Variants in ELAC1 observed in about 807,000 individuals in gnomAD.
ELAC1 encodes elaC ribonuclease Z 1, also known as zinc phosphodiesterase ELAC protein 1.
In ELAC1, 19 loss-of-function variants were observed where a neutral mutation model predicts 25.8. The ratio of observed to expected loss-of-function variants is 0.74; its 90% CI spans 0.51 to 1.08. The LOEUF (loss-of-function observed/expected upper bound fraction) is 1.08. Among genes scored for constraint, ELAC1 ranks in the 50% least tolerant of loss-of-function variants. The pLI is 0.00. For missense variants in ELAC1, 403 were observed against 434.6 expected, an observed-to-expected ratio of 0.93 and a Z score of 0.65; for synonymous variants, 148 against 160.9, an observed-to-expected ratio of 0.92 and a Z score of 0.61.
intron 1 of ELAC1, among the ~76,000 whole-genome samples, chr18:50,971,209 T>G (rs1040850442): frequency 6.6e-6 from 1 of 152,322 alleles, no homozygotes; most frequent in South Asian, 2.1e-4. Flanking sequence ...CATATAATTA[T>G]CAACAGCATC....
In ELAC1 at chr18:50,986,011, CTTTTTTTT is replaced by C. The variant is rs34348056; in HGVS notation, c.626-591_626-584del. On this transcript the variant is annotated intron_variant, in intron 3 of 3. Coordinates refer to ENST00000269466, the MANE Select transcript of ELAC1 (RefSeq NM_018696.3). Reference sequence around the variant, plus strand: ...TGTTTTGACTAGGTGTTGATTATATCTTTTTTTTTTTTTTTTTTTTTTTTGAGGCAGTC... The same window carrying C: ...TGTTTTGACTAGGTGTTGATTATATCTTTTTTTTTTTTTTTTGAGGCAGTC... Among the ~76,000 whole-genome samples the C allele has an allele frequency of 4.7e-5, 4 of 85,054 alleles. No individual in the cohort carries two copies. The East Asian group carries it at 1.6e-3, about 34-fold the overall frequency. The allele number at this position is 85,054 out of a possible 152,430, so 55.8% of individuals were successfully genotyped here.
chr18:50,969,957 C>T (rs1159397487), intron 1 of ELAC1: 1 of 152,190 alleles, frequency 6.6e-6, no homozygotes, highest in Non-Finnish European at 1.5e-5. Flanking sequence ...AAATCGGACT[C>T]CATGTTAGGA....
Position 50,987,188 on chromosome 18 carries a change from T to A in ELAC1, c.*103T>A. ...TTTTAGTCTGAAATTATTTGGGCCC[T>A]AATAATCCTAAAAAGAATGGAGCTG... On this transcript the variant is annotated 3_prime_UTR_variant, in exon 4 of 4. Coordinates refer to ENST00000269466, the MANE Select transcript of ELAC1 (RefSeq NM_018696.3). 5.5e-6 allele frequency: 4 copies of A among 724,486 alleles called. No homozygotes were observed. Among genetic ancestry groups the A allele is most frequent in the Non-Finnish European group, 8.3e-6 (4 of 483,258 alleles). The allele number at this position is 724,486 out of a possible 1,614,324, so 44.9% of individuals were successfully genotyped here. A position where few individuals can be genotyped will look rare whatever the true frequency, so the allele number is the denominator to read the frequency against.
intron 2 of ELAC1, among the ~76,000 whole-genome samples, chr18:50,980,631 C>G (rs991203936): frequency 6.6e-6 from 1 of 151,304 alleles, no homozygotes; most frequent in African/African-American, 2.4e-5. Context: ...GGCGTGGTGG[C>G]GGGTGCCTGT....
intron 1 of ELAC1, among the ~76,000 whole-genome samples, chr18:50,971,129 A>G (rs1907640165): frequency 6.6e-6 from 1 of 152,242 alleles, no homozygotes; most frequent in Admixed American, 6.5e-5. Context: ...AGAGCAACAC[A>G]ATACACGTCA....
chr18:50,977,836 T>G (rs1031624224), intron 2 of ELAC1, among the ~76,000 whole-genome samples: 3 of 152,184 alleles, frequency 2.0e-5, no homozygotes, highest in Non-Finnish European at 4.4e-5. Context: ...TACATAAAAG[T>G]GAATGCTTTT....
In ELAC1 at chr18:50,984,540, A is replaced by G; in HGVS notation, c.602A>G (p.Asn201Ser). The change falls in exon 3 of 4, where the codon AAT becomes AGT. Residue 201 changes from asparagine to serine, a missense_variant. Transcript: ENST00000269466. ...VVEKKRPGKLNAQKLKDLGVP... is the reference protein window; with the variant it reads ...VVEKKRPGKLSAQKLKDLGVP... ...GAAAAGAAACGCCCAGGTAAACTCA[A>G]TGCACAGAAACTTAAAGACCTTGGT... is the stretch of plus-strand genomic sequence containing the variant. The G allele has an allele frequency of 6.2e-7, 1 of 1,613,098 alleles. No homozygotes were observed. The highest frequency in any genetic ancestry group is 8.5e-7 in the Non-Finnish European group (1 of 1,179,690).
At chr18:50,973,130 T>G (rs1444410023) in intron 1 of ELAC1, among the ~76,000 whole-genome samples, 1 of 152,242 alleles carries the variant, frequency 6.6e-6, no homozygotes, top group East Asian at 1.9e-4. Context: ...GAATGGGTTT[T>G]TCCCCCATTT....
chr18:50,977,309 G>T (rs1400338885), intron 2 of ELAC1, among the ~76,000 whole-genome samples: 1 of 152,254 alleles, frequency 6.6e-6, no homozygotes, highest in African/African-American at 2.4e-5. Context: ...CCCTGCAGAA[G>T]ATTTCTGCCT....
chr18:50,979,435 T>C (rs1907882775), intron 2 of ELAC1, among the ~76,000 whole-genome samples: 1 of 152,296 alleles, frequency 6.6e-6, no homozygotes, highest in Middle Eastern at 3.4e-3. Flanking sequence ...CCTGAGCTCC[T>C]TGAGTTCTCT....
At chr18:50,982,076 C>T (rs1875819066) in intron 2 of ELAC1, among the ~76,000 whole-genome samples, 1 of 152,106 alleles carries the variant, frequency 6.6e-6, no homozygotes, top group Admixed American at 6.5e-5. Flanking sequence ...AAACTCCCAA[C>T]CTCAGGTGAT....
chr18:50,973,168 T>C (rs1017108860), intron 1 of ELAC1, among the ~76,000 whole-genome samples: 2 of 152,224 alleles, frequency 1.3e-5, no homozygotes, highest in Non-Finnish European at 2.9e-5. Flanking sequence ...TTGCTAAGAC[T>C]GAGAAGAGTT....
intron 1 of ELAC1, among the ~76,000 whole-genome samples, chr18:50,971,872 GTA>G (rs1907661567): frequency 7.2e-6 from 1 of 139,250 alleles, no homozygotes; most frequent in Admixed American, 7.3e-5. Context: ...ATATATATGT[GTA>G]TATATGTATA....
intron 2 of ELAC1, among the ~76,000 whole-genome samples, chr18:50,977,190 C>G (rs938963773): frequency 5.3e-5 from 8 of 152,214 alleles, no homozygotes; most frequent in African/African-American, 1.4e-4. Flanking sequence ...GACAGTAGCT[C>G]TCTTCTCACA....
In ELAC1 at chr18:50,974,409, C is replaced by T. The variant is rs747385692; in HGVS notation, c.5C>T (p.Ser2Phe). Residue 2 changes from serine (S) to phenylalanine (F), a missense_variant, in exon 2 of 4, where the codon TCT becomes TTT. Physicochemically the swap from Ser to Phe is radical, Grantham distance 155. Coordinates refer to ENST00000269466, the MANE Select transcript of ELAC1 (RefSeq NM_018696.3). Reference protein sequence around the residue: MSMDVTFLGTGA... With the variant: MFMDVTFLGTGA... ...CTTTCTGTTGCAGGGTGGAAGATGT[C>T]TATGGATGTGACATTCCTGGGGACG... The T allele has an allele frequency of 1.3e-6, 2 of 1,537,192 alleles. No individual in the cohort carries two copies. The highest frequency in any genetic ancestry group is 8.7e-7 in the Non-Finnish European group (1 of 1,144,628).
chr18:50,969,739 A>G (rs969547171), intron 1 of ELAC1: 1 of 152,250 alleles, frequency 6.6e-6, no homozygotes, highest in East Asian at 1.9e-4. Flanking sequence ...GTGTGTATAG[A>G]TGAAACATGA....
chr18:50,973,101 A>C (rs1907706369), intron 1 of ELAC1, among the ~76,000 whole-genome samples: 1 of 152,086 alleles, frequency 6.6e-6, no homozygotes, highest in Non-Finnish European at 1.5e-5. Flanking sequence ...TATTTCTGGT[A>C]ATTTTGTTTT....
chr18:50,985,905 T>C (rs114526871), intron 3 of ELAC1, among the ~76,000 whole-genome samples: 1 of 152,032 alleles, frequency 6.6e-6, no homozygotes, highest in Admixed American at 6.6e-5. Flanking sequence ...TAATGTACAA[T>C]TGCCTGAAAA....
At chr18:50,970,575 A>G (rs554146716) in intron 1 of ELAC1, among the ~76,000 whole-genome samples, 10 of 152,082 alleles carry the variant, frequency 6.6e-5, no homozygotes, top group East Asian at 1.9e-4. Context: ...GTAGAGATGC[A>G]CCACCTTATG....
Sources: allele counts gnomAD v4.1 joint callset (sites outside exome capture counted in the v4.1 genomes callset), GRCh38; gene constraint gnomAD v4.1.1; transcripts MANE v1.5; gene names NCBI Gene and HGNC (gene_info 2026-07-23, HGNC 2026-07-21).